The following THSD7A variants were observed in gnomAD, a reference collection of about 807,000 sequenced individuals.
THSD7A encodes the protein thrombospondin type-1 domain-containing protein 7A.
Under a neutral mutation model 231.3 loss-of-function variants are expected in THSD7A, and 96 were observed. That is an observed-to-expected ratio of 0.41 (90% CI 0.35 to 0.49). The LOEUF is 0.49. Ranked by LOEUF, THSD7A falls within the 20% of genes least tolerant of loss-of-function variation. The probability of loss-of-function intolerance (pLI) is 0.05; values close to 1 mark genes in which losing one functional copy is unlikely to be tolerated. For synonymous variants in THSD7A, 940 were observed against 743.3 expected, an observed-to-expected ratio of 1.26 and a Z score of -4.30; for missense variants, 2,290 against 2,070.2, an observed-to-expected ratio of 1.11 and a Z score of -2.06.
rs556801005 is a variant in THSD7A at position 11,790,038 on chromosome 7, T to A, written c.190+41719A>T. Among the ~76,000 whole-genome samples the A allele has an allele frequency of 5.9e-5, 9 of 151,422 alleles. No homozygotes were observed. The South Asian group carries it at 1.9e-3, about 31-fold the overall frequency. On this transcript the variant is annotated intron_variant, in intron 1 of 27. Transcript: ENST00000423059. ...TATTTGCACTGCATTGATATATTTA[T>A]TTCAATATTTATTTGAAAATTAAAT... is the stretch of plus-strand genomic sequence containing the variant.
intron 1 of THSD7A, among the ~76,000 whole-genome samples, chr7:11,757,939 G>A (rs1782736651): frequency 1.3e-5 from 2 of 149,418 alleles, no homozygotes; most frequent in South Asian, 2.1e-4. Flanking sequence ...TAATAATAAT[G>A]ATTATAAAAT....
At chr7:11,439,296 T>A (rs1166081170) in intron 13 of THSD7A, among the ~76,000 whole-genome samples, 1 of 152,074 alleles carries the variant, frequency 6.6e-6, no homozygotes. Flanking sequence ...TTTATTTTGC[T>A]TTGCAGATCG....
intron 1 of THSD7A, among the ~76,000 whole-genome samples, chr7:11,661,096 A>T (rs1385564166): frequency 6.6e-6 from 1 of 151,330 alleles, no homozygotes; most frequent in Non-Finnish European, 1.5e-5. Flanking sequence ...TAATTGTTTC[A>T]GGAAGAAGTA....
intron 6 of THSD7A, among the ~76,000 whole-genome samples, chr7:11,530,297 C>A (rs901235090): frequency 5.3e-5 from 8 of 152,040 alleles, no homozygotes; most frequent in African/African-American, 1.9e-4. Flanking sequence ...AATTTGGTGT[C>A]ATGCTTTATT....
chr7:11,518,548 T>G (rs1309872476), intron 6 of THSD7A, among the ~76,000 whole-genome samples: 1 of 151,902 alleles, frequency 6.6e-6, no homozygotes, highest in Non-Finnish European at 1.5e-5. Context: ...CAAGAATTCT[T>G]TTCCTGAAAA....
chr7:11,750,303 T>C (rs529427706), intron 1 of THSD7A, among the ~76,000 whole-genome samples: 2 of 151,814 alleles, frequency 1.3e-5, no homozygotes, highest in South Asian at 2.1e-4. Flanking sequence ...AACAGAAGTA[T>C]ATAGGGGTGC....
At chr7:11,799,951 G>A (rs147883769) in intron 1 of THSD7A, among the ~76,000 whole-genome samples, 94 of 152,270 alleles carry the variant, frequency 6.2e-4, no homozygotes, top group African/African-American at 2.1e-3. Flanking sequence ...CTACTGTAGC[G>A]CACACATTTA....
chr7:11,583,931 CTAAGT>C (rs1016343752), intron 4 of THSD7A, among the ~76,000 whole-genome samples: 1 of 152,078 alleles, frequency 6.6e-6, no homozygotes, highest in Non-Finnish European at 1.5e-5. Flanking sequence ...TATTTTTCTC[CTAAGT>C]TAAGACTGAG....
chr7:11,663,109 AT>A (rs1039942688), intron 1 of THSD7A, among the ~76,000 whole-genome samples: 1 of 151,354 alleles, frequency 6.6e-6, no homozygotes, highest in African/African-American at 2.4e-5. Context: ...CAAAGTTACT[AT>A]TTTAAAAGAC....
At chr7:11,540,756 T>A (rs1348307513) in intron 6 of THSD7A, among the ~76,000 whole-genome samples, 2 of 152,168 alleles carry the variant, frequency 1.3e-5, no homozygotes, top group African/African-American at 4.8e-5. Flanking sequence ...AGAGCTAACA[T>A]CAAGACAGTA....
At chr7:11,585,144 T>G (rs899568788) in intron 4 of THSD7A, among the ~76,000 whole-genome samples, 2 of 152,188 alleles carry the variant, frequency 1.3e-5, no homozygotes, top group Non-Finnish European at 2.9e-5. Context: ...GTCTCATCAG[T>G]AAGCTGTTTC....
Position 11,593,462 on chromosome 7 carries a change from A to G in THSD7A, c.1063T>C (p.Cys355Arg). 1 of 1,614,012 alleles carries G rather than the reference A, an allele frequency of 6.2e-7. No homozygotes were observed. Among genetic ancestry groups the G allele is most frequent in the Non-Finnish European group, 8.5e-7 (1 of 1,179,878 alleles). ...ACCTGGCACTCTTTGGTGATCACAC[A>G]GGACTGGAAGGTCATTGGAAGCTTC... The part of the protein sequence containing the change: ...QEKLPMTFQS[C>R]VITKECQVSE... The change falls in exon 3 of 28, where the codon TGT becomes CGT. Residue 355 changes from cysteine to arginine, a missense_variant. Coordinates refer to ENST00000423059, the MANE Select transcript of THSD7A (RefSeq NM_015204.3).
chr7:11,484,431 A>G (rs1786561753), intron 6 of THSD7A, among the ~76,000 whole-genome samples: 1 of 151,950 alleles, frequency 6.6e-6, no homozygotes, highest in South Asian at 2.1e-4. Flanking sequence ...TTTCAGTTCA[A>G]TTTTCTCCTT....
chr7:11,579,799 T>A (rs1015136462), intron 4 of THSD7A, among the ~76,000 whole-genome samples: 2 of 152,212 alleles, frequency 1.3e-5, no homozygotes, highest in Non-Finnish European at 2.9e-5. Context: ...CTTTTTCTAG[T>A]CATTCCATTC....
chr7:11,780,614 A>G (rs569215759), intron 1 of THSD7A, among the ~76,000 whole-genome samples: 4 of 152,272 alleles, frequency 2.6e-5, no homozygotes, highest in African/African-American at 9.6e-5. Flanking sequence ...AGCCCCATCT[A>G]GGCTCTTGAC....
intron 2 of THSD7A, among the ~76,000 whole-genome samples, chr7:11,603,899 G>A (rs1450898562): frequency 6.7e-6 from 1 of 149,502 alleles, no homozygotes; most frequent in African/African-American, 2.5e-5. Context: ...GAGGGGGGAA[G>A]GATAGCATTG....
intron 1 of THSD7A, among the ~76,000 whole-genome samples, chr7:11,745,374 T>A (rs1005006244): frequency 6.9e-6 from 1 of 144,286 alleles, no homozygotes; most frequent in Non-Finnish European, 1.5e-5. Flanking sequence ...TTGCAAAAAT[T>A]TTTTTCCCAT....
intron 1 of THSD7A, among the ~76,000 whole-genome samples, chr7:11,672,737 A>T (rs1232204221): frequency 6.6e-6 from 1 of 152,198 alleles, no homozygotes; most frequent in East Asian, 1.9e-4. Context: ...TTATGGAGCC[A>T]GGCTGGAACT....
At chr7:11,688,029 T>C (rs1780114158) in intron 1 of THSD7A, among the ~76,000 whole-genome samples, 1 of 151,480 alleles carries the variant, frequency 6.6e-6, no homozygotes, top group African/African-American at 2.4e-5. Flanking sequence ...CATTTAACAT[T>C]AGGTATATCT....
Sources: gnomAD v4.1 joint callset for allele counts (sites outside exome capture counted in the v4.1 genomes callset) on GRCh38, gnomAD v4.1.1 for gene constraint, MANE v1.5 for transcripts, NCBI Gene and HGNC (gene_info 2026-07-23, HGNC 2026-07-21) for gene names.